The following STK3 variants were observed in gnomAD, a reference collection of about 807,000 sequenced individuals.
STK3 encodes the protein serine/threonine-protein kinase 3.
STK3 carries 41 observed loss-of-function variants against 58.0 expected under a neutral mutation model. That is an observed-to-expected ratio of 0.71 (90% CI 0.55 to 0.92). The LOEUF (loss-of-function observed/expected upper bound fraction) is 0.92, where lower values mean the gene tolerates loss of function less well. Ranked by LOEUF, STK3 falls within the 40% of genes least tolerant of loss-of-function variation. The pLI is 0.00. For missense variants in STK3, 479 were observed against 602.7 expected (o/e 0.79, Z 2.15); for synonymous variants, 170 against 191.0 (o/e 0.89, Z 0.91).
chr8:98,575,187 G>A (rs542335060), intron 8 of STK3, among the ~76,000 whole-genome samples: 6 of 152,106 alleles, frequency 3.9e-5, no homozygotes, highest in Non-Finnish European at 5.9e-5. Flanking sequence ...GGGATAGTGC[G>A]TGTATTTTGC....
intron 1 of STK3, among the ~76,000 whole-genome samples, chr8:98,936,718 G>A (rs980248180): frequency 6.6e-6 from 1 of 152,236 alleles, no homozygotes; most frequent in Admixed American, 6.5e-5. Context: ...TTGGATGTGT[G>A]CCTCATGGCC....
intron 1 of STK3, among the ~76,000 whole-genome samples, chr8:98,885,868 T>A (rs1434622806): frequency 6.6e-6 from 1 of 152,220 alleles, no homozygotes; most frequent in Non-Finnish European, 1.5e-5. Flanking sequence ...GGAATACAAC[T>A]CAGCAGTAAA....
intron 10 of STK3, among the ~76,000 whole-genome samples, chr8:98,492,960 G>C (rs925518137): frequency 6.6e-6 from 1 of 151,994 alleles, no homozygotes; most frequent in South Asian, 2.1e-4. Context: ...GCCAGGCATG[G>C]TGGCTCACAC....
intron 8 of STK3, among the ~76,000 whole-genome samples, chr8:98,557,889 T>C (rs192058372): frequency 1.3e-5 from 2 of 152,244 alleles, no homozygotes; most frequent in Non-Finnish European, 2.9e-5. Context: ...AAAAGACTTA[T>C]TCATCAGTAT....
intron 1 of STK3, among the ~76,000 whole-genome samples, chr8:98,775,718 G>A (rs1267289134): frequency 1.3e-5 from 2 of 152,154 alleles, no homozygotes; most frequent in East Asian, 3.9e-4. Context: ...AGAAACAGAA[G>A]GATAAATTGT....
chr8:98,451,299 G>A (rs750167359), downstream of STK3, among the ~76,000 whole-genome samples: 7 of 152,080 alleles, frequency 4.6e-5, no homozygotes, highest in Non-Finnish European at 5.9e-5. Flanking sequence ...AGTCTCTGCC[G>A]TCAGGAACTT....
At chr8:98,625,594 T>G (rs1314047381) in intron 6 of STK3, among the ~76,000 whole-genome samples, 2 of 152,138 alleles carry the variant, frequency 1.3e-5, no homozygotes, top group Non-Finnish European at 2.9e-5. Flanking sequence ...GCAAACTGAT[T>G]ATGCCTTTTC....
intron 4 of STK3, among the ~76,000 whole-genome samples, chr8:98,744,931 C>A (rs1195455108): frequency 6.6e-6 from 1 of 151,780 alleles, no homozygotes; most frequent in African/African-American, 2.4e-5. Context: ...ATACCCCTAT[C>A]TCCTATCATA....
intron 1 of STK3, among the ~76,000 whole-genome samples, chr8:98,777,063 T>G (rs1254644529): frequency 6.6e-6 from 1 of 150,900 alleles, no homozygotes; most frequent in East Asian, 2.0e-4. Flanking sequence ...AAAAAAAAAT[T>G]AATTAAAAAT....
chr8:98,372,096 G>A (rs1817616144), intron 2 of STK3, among the ~76,000 whole-genome samples: 1 of 152,134 alleles, frequency 6.6e-6, no homozygotes, highest in Admixed American at 6.5e-5. Context: ...AGAGGTTGGA[G>A]TAATGCAGTT....
chr8:98,597,391 A>G, intron 6 of STK3: 1 of 984,760 alleles, frequency 1.0e-6, no homozygotes, highest in Admixed American at 6.1e-5. Context: ...ATAGATTAGA[A>G]TATTTTATAT....
At chr8:98,792,924 G>GTT in intron 1 of STK3, among the ~76,000 whole-genome samples, 1 of 150,826 alleles carries the variant, frequency 6.6e-6, no homozygotes, top group Non-Finnish European at 1.5e-5. Context: ...GTGTGTGTGT[G>GTT]TATTACATAT....
chr8:98,813,036 A>AT (rs1554682849), intron 1 of STK3, among the ~76,000 whole-genome samples: 2 of 10,136 alleles, frequency 2.0e-4, no homozygotes, highest in Non-Finnish European at 3.4e-4. Flanking sequence ...AAAGCACAAT[A>AT]AAAAAAAAAA....
At chr8:98,636,376 C>T (rs1281470827) in intron 6 of STK3, among the ~76,000 whole-genome samples, 1 of 151,950 alleles carries the variant, frequency 6.6e-6, no homozygotes, top group Non-Finnish European at 1.5e-5. Flanking sequence ...AAATAATTTC[C>T]TTATTCATTT....
intron 1 of STK3, among the ~76,000 whole-genome samples, chr8:98,822,850 G>GA (rs1834995966): frequency 6.6e-6 from 1 of 152,178 alleles, no homozygotes; most frequent in African/African-American, 2.4e-5. Context: ...CCAACATGGC[G>GA]AAACGTTGTC....
At chr8:98,680,266 T>TA (rs752667777) in intron 6 of STK3, among the ~76,000 whole-genome samples, 1 of 151,898 alleles carries the variant, frequency 6.6e-6, no homozygotes, top group Non-Finnish European at 1.5e-5. Context: ...TCAGAAGAAA[T>TA]ACAGTCCATG....
intron 9 of STK3, among the ~76,000 whole-genome samples, chr8:98,536,228 T>A (rs1484528348): frequency 6.6e-6 from 1 of 152,088 alleles, no homozygotes; most frequent in African/African-American, 2.4e-5. Context: ...TGACTAGGGG[T>A]GAGAAAGTAT....
At chr8:98,395,831 A>G (rs747348718) in intron 3 of STK3, among the ~76,000 whole-genome samples, 1 of 152,234 alleles carries the variant, frequency 6.6e-6, no homozygotes, top group Non-Finnish European at 1.5e-5. Flanking sequence ...GAATATCACA[A>G]TGTTGCAAAT....
At chr8:98,513,698 G>A (rs144595323) in intron 10 of STK3, among the ~76,000 whole-genome samples, 395 of 152,230 alleles carry the variant, frequency 2.6e-3, no homozygotes, top group Non-Finnish European at 3.7e-3. Context: ...GGGAGAAGTG[G>A]AGAGTACCTC....
Sources: gnomAD v4.1 joint callset for allele counts (sites outside exome capture counted in the v4.1 genomes callset) on GRCh38, gnomAD v4.1.1 for gene constraint, MANE v1.5 for transcripts, NCBI Gene and HGNC (gene_info 2026-07-23, HGNC 2026-07-21) for gene names.